The following PCDHGB3 variants were observed in gnomAD, a reference collection of about 807,000 sequenced individuals.
PCDHGB3 encodes the protein protocadherin gamma-B3.
PCDHGB3 carries 40 observed loss-of-function variants against 59.2 expected under a neutral mutation model. The ratio of observed to expected loss-of-function variants is 0.68; its 90% confidence interval spans 0.52 to 0.88. PCDHGB3 has a LOEUF of 0.88. PCDHGB3 is among the 40% of genes least tolerant of loss of function. The pLI, the probability that PCDHGB3 is intolerant of heterozygous loss-of-function variation, is 0.00. For synonymous variants in PCDHGB3, 581 were observed against 503.6 expected (o/e 1.15, Z -2.06); for missense variants, 1,309 against 1,187.9 (o/e 1.10, Z -1.50).
In PCDHGB3 at chr5:141,510,976, G is replaced by A. The variant is rs752758180; in HGVS notation, c.2593G>A (p.Gly865Arg). The change falls in exon 4 of 4, where the codon GGG (glycine) becomes AGG (arginine). Residue 865 changes from glycine to arginine, a missense_variant. Gly to Arg is a moderately radical substitution (Grantham distance 125, BLOSUM62 -2). Transcript: ENST00000576222. ...EAADGSSTLG[G>R]GAGTMGLSAR... ...TGCTGATGGGAGCTCCACCCTGGGA[G>A]GGGGTGCCGGCACCATGGGATTGAG... The A allele has an allele frequency of 5.0e-6, 8 of 1,614,046 alleles. No individual in the cohort carries two copies. The highest frequency in any genetic ancestry group is 6.8e-6 in the Non-Finnish European group (8 of 1,180,022).
chr5:141,417,647 C>G, intron 1 of PCDHGB3: 8 of 812,384 alleles, frequency 9.8e-6, no homozygotes, highest in Non-Finnish European at 1.5e-5. Flanking sequence ...ATCCCTCAGC[C>G]TCTAGCCTGG....
At chr5:141,462,360 A>G (rs1400686908) in intron 1 of PCDHGB3, among the ~76,000 whole-genome samples, 1 of 152,238 alleles carries the variant, frequency 6.6e-6, no homozygotes, top group Non-Finnish European at 1.5e-5. Flanking sequence ...TATACATTGT[A>G]TAGTTTCTAT....
intron 1 of PCDHGB3, chr5:141,374,217 T>C (rs771956915): frequency 5.6e-6 from 9 of 1,613,862 alleles, no homozygotes; most frequent in Non-Finnish European, 6.8e-6. Context: ...GGCTCCTTCG[T>C]AGGCAACATC....
At chr5:141,394,868 C>T in intron 1 of PCDHGB3, 1 of 1,613,828 alleles carries the variant, frequency 6.2e-7, no homozygotes, top group Non-Finnish European at 8.5e-7. Flanking sequence ...TCGACCCGAA[C>T]GATTCGAGCC....
intron 1 of PCDHGB3, among the ~76,000 whole-genome samples, chr5:141,400,891 A>G (rs1266926061): frequency 6.6e-6 from 1 of 152,222 alleles, no homozygotes; most frequent in African/African-American, 2.4e-5. Context: ...GTATGTAATC[A>G]TTTAATTCAT....
intron 1 of PCDHGB3, chr5:141,402,987 G>GATTA: frequency 6.2e-7 from 1 of 1,611,924 alleles, no homozygotes; most frequent in Non-Finnish European, 8.5e-7. Flanking sequence ...CTCCGCGGAA[G>GATTA]ATTAGTCCTG....
At chr5:141,428,540 C>T (rs1561836755) in intron 1 of PCDHGB3, 6 of 268,146 alleles carry the variant, frequency 2.2e-5, no homozygotes, top group South Asian at 8.6e-5. Context: ...CTCACCATGA[C>T]ACCAGAAACA....
chr5:141,446,222 G>C (rs74509878), intron 1 of PCDHGB3, among the ~76,000 whole-genome samples: 7,034 of 152,204 alleles, frequency 0.046, 244 homozygotes, highest in African/African-American at 0.093. Flanking sequence ...ATATTGTTGT[G>C]TTGCCTGGCA....
chr5:141,422,719 CA>C (rs2096667277), intron 1 of PCDHGB3: 1 of 1,604,786 alleles, frequency 6.2e-7, no homozygotes, highest in Admixed American at 1.7e-5. Flanking sequence ...TGACACTGTC[CA>C]GGGGGTGCCT....
chr5:141,399,610 C>T, intron 1 of PCDHGB3: 1 of 1,613,946 alleles, frequency 6.2e-7, no homozygotes, highest in Non-Finnish European at 8.5e-7. Flanking sequence ...CCTAGAGCCT[C>T]TGGCACTGGC....
In PCDHGB3 at chr5:141,432,827, A is replaced by G. The variant is rs758445645; in HGVS notation, c.2415+60018A>G. ...AGCTAACTCTGAAACCTCAGACCTC[A>G]CTCTGTACCTGGTGGTAGCGGTGGC... On this transcript the variant is annotated intron_variant, in intron 1 of 3. Transcript: ENST00000576222. The surrounding 1 kb of genome is among the most constrained non-coding windows in gnomAD (Gnocchi z 6.0). 9 of 1,613,142 alleles carry G rather than the reference A, an allele frequency of 5.6e-6. No individual in the cohort carries two copies. Among genetic ancestry groups the G allele is most frequent in the Admixed American group, 1.7e-5 (1 of 59,958 alleles).
At chr5:141,405,491 C>T (rs1399017717) in intron 1 of PCDHGB3, 1 of 858,762 alleles carries the variant, frequency 1.2e-6, no homozygotes, top group East Asian at 2.7e-5. Flanking sequence ...GTGATCTCGG[C>T]TCATTGCAAC....
intron 1 of PCDHGB3, among the ~76,000 whole-genome samples, chr5:141,381,978 C>T (rs1002371340): frequency 6.6e-6 from 1 of 151,452 alleles, no homozygotes; most frequent in Non-Finnish European, 1.5e-5. Flanking sequence ...TACAGGCGCG[C>T]GCCACCACGC....
chr5:141,407,601 A>G (rs886898088), intron 1 of PCDHGB3, among the ~76,000 whole-genome samples: 3 of 152,168 alleles, frequency 2.0e-5, no homozygotes, highest in African/African-American at 7.2e-5. Flanking sequence ...CATCTTAAAA[A>G]GAAGCATTGG....
At chr5:141,423,666 A>G in intron 1 of PCDHGB3, 1 of 1,494,380 alleles carries the variant, frequency 6.7e-7, no homozygotes, top group Non-Finnish European at 8.9e-7. Context: ...ATCAGGTGAG[A>G]TTTATTTCTC....
intron 1 of PCDHGB3, chr5:141,393,863 G>A: frequency 6.2e-7 from 1 of 1,613,968 alleles, no homozygotes; most frequent in Non-Finnish European, 8.5e-7. Context: ...TGATCATTAC[G>A]TCTTTGTTTA....
chr5:141,376,372 G>C (rs531227586), intron 1 of PCDHGB3: 2 of 1,614,182 alleles, frequency 1.2e-6, no homozygotes, highest in Admixed American at 1.7e-5. Context: ...CTGCAGACTC[G>C]CGTAAGAGTC....
chr5:141,509,442 T>C (rs1473514859), intron 3 of PCDHGB3, among the ~76,000 whole-genome samples: 3 of 152,008 alleles, frequency 2.0e-5, no homozygotes, highest in Non-Finnish European at 2.9e-5. Flanking sequence ...TGTTTCCTCC[T>C]CTCCCACCCC....
intron 1 of PCDHGB3, chr5:141,399,634 A>C: frequency 6.2e-7 from 1 of 1,613,860 alleles, no homozygotes; most frequent in East Asian, 2.2e-5. Context: ...TTACGTGTCC[A>C]TGAGCGCGCA....
Sources: gnomAD v4.1 joint callset for allele counts (sites outside exome capture counted in the v4.1 genomes callset) on GRCh38, gnomAD v4.1.1 for gene constraint, Gnocchi (gnomAD v3.1) non-coding constraint, MANE v1.5 for transcripts, NCBI Gene and HGNC (gene_info 2026-07-23, HGNC 2026-07-21) for gene names.